Variants in MGMT observed in about 807,000 individuals in gnomAD.
The protein encoded by MGMT is O-6-methylguanine-DNA methyltransferase, also known as methylated-DNA--protein-cysteine methyltransferase.
MGMT carries 14 observed loss-of-function variants against 15.9 expected under a neutral mutation model. That is an observed-to-expected ratio of 0.88 (90% CI 0.58 to 1.37). The LOEUF is 1.37. Among genes scored for constraint, MGMT ranks in the 40% most tolerant of loss-of-function variants. The pLI is 0.00. For missense variants in MGMT, 282 were observed against 268.1 expected (o/e 1.05, Z -0.36); for synonymous variants, 130 against 118.2 (o/e 1.10, Z -0.65).
chr10:129,626,340 G>A (rs73388721), intron 2 of MGMT, among the ~76,000 whole-genome samples: 5,137 of 152,222 alleles, frequency 0.034, 228 homozygotes, highest in African/African-American at 0.098. Flanking sequence ...TTCGTGTCTC[G>A]TAAGCACTGG....
chr10:129,642,410 T>C (rs912985876), intron 2 of MGMT, among the ~76,000 whole-genome samples: 3 of 152,146 alleles, frequency 2.0e-5, no homozygotes, highest in African/African-American at 7.2e-5. Context: ...AGGAGAATCC[T>C]TACTGTAAAC....
At chr10:129,690,907 G>A (rs1273892104) in intron 2 of MGMT, among the ~76,000 whole-genome samples, 2 of 152,206 alleles carry the variant, frequency 1.3e-5, no homozygotes, top group Admixed American at 1.3e-4. Context: ...GGAGGCTTGT[G>A]AGCAGGATGG....
chr10:129,550,445 A>T (rs1490030142), intron 2 of MGMT, among the ~76,000 whole-genome samples: 2 of 77,768 alleles, frequency 2.6e-5, no homozygotes, highest in African/African-American at 9.8e-5. Flanking sequence ...CTGTGTTTTG[A>T]TTCTTTTTTT....
chr10:129,730,562 G>A (rs1158485558), intron 3 of MGMT, among the ~76,000 whole-genome samples: 1 of 152,166 alleles, frequency 6.6e-6, no homozygotes, highest in African/African-American at 2.4e-5. Flanking sequence ...GCAGACGCGA[G>A]GTTTGCAGGC....
intron 2 of MGMT, among the ~76,000 whole-genome samples, chr10:129,641,461 T>C (rs1847327217): frequency 6.6e-6 from 1 of 152,208 alleles, no homozygotes; most frequent in Non-Finnish European, 1.5e-5. Context: ...AAATTTACAG[T>C]TGTACAAGTT....
intron 3 of MGMT, among the ~76,000 whole-genome samples, chr10:129,716,667 G>A (rs562125269): frequency 1.1e-4 from 17 of 152,126 alleles, no homozygotes; most frequent in Non-Finnish European, 1.6e-4. Flanking sequence ...AACAGAAATG[G>A]CACATTCCCC....
chr10:129,750,743 A>G (rs1220821132), intron 3 of MGMT, among the ~76,000 whole-genome samples: 1 of 152,126 alleles, frequency 6.6e-6, no homozygotes, highest in African/African-American at 2.4e-5. Flanking sequence ...CCTGGAACCA[A>G]TACCCAATGG....
chr10:129,723,791 A>G (rs2183878), intron 3 of MGMT, among the ~76,000 whole-genome samples: 34,165 of 152,134 alleles, frequency 0.22, 4,608 homozygotes, highest in East Asian at 0.43. Context: ...AGTGCTCGGC[A>G]TCATCAGTCA....
chr10:129,622,733 T>C (rs986471532), intron 2 of MGMT, among the ~76,000 whole-genome samples: 10 of 152,198 alleles, frequency 6.6e-5, no homozygotes, highest in African/African-American at 2.4e-4. Context: ...TTTGATATGC[T>C]CTCATTAAGA....
At position 129,533,002 on chromosome 10, in the gene MGMT, G is replaced by A. The variant is rs1308563433; in HGVS notation, c.-12-3239G>A. On this transcript the variant is annotated intron_variant, in intron 1 of 4. Coordinates refer to ENST00000651593, the MANE Select transcript of MGMT (RefSeq NM_002412.5). The surrounding 1 kb of genome is among the most constrained non-coding windows in gnomAD (Gnocchi z 4.5). Reference sequence around the variant, plus strand: ...CATGTTGGCAGGCGTCAGCACCAGGGCTGGGCTCCTGCCTGGGACTCGAAT... The same window carrying A: ...CATGTTGGCAGGCGTCAGCACCAGGACTGGGCTCCTGCCTGGGACTCGAAT... Among the ~76,000 whole-genome samples the A allele has an allele frequency of 1.3e-5, 2 of 152,190 alleles. No individual in the cohort carries two copies. The highest frequency in any genetic ancestry group is 1.3e-4 in the Admixed American group (2 of 15,290).
intron 1 of MGMT, among the ~76,000 whole-genome samples, chr10:129,499,517 T>C (rs1845554726): frequency 6.6e-6 from 1 of 152,278 alleles, no homozygotes; most frequent in Non-Finnish European, 1.5e-5. Context: ...CATTTTCTGC[T>C]AATTTAGAGA....
intron 1 of MGMT, among the ~76,000 whole-genome samples, chr10:129,492,440 C>T (rs1406815375): frequency 2.0e-5 from 3 of 152,200 alleles, no homozygotes; most frequent in African/African-American, 7.2e-5. Context: ...ACCCCAGTCT[C>T]GTAAGTGCTA....
chr10:129,502,997 A>T (rs1845589682), intron 1 of MGMT, among the ~76,000 whole-genome samples: 1 of 152,134 alleles, frequency 6.6e-6, no homozygotes, highest in Non-Finnish European at 1.5e-5. Context: ...GAATACAGAT[A>T]TTTAGAGTTA....
intron 2 of MGMT, among the ~76,000 whole-genome samples, chr10:129,609,714 G>T (rs1846937161): frequency 6.6e-6 from 1 of 152,176 alleles, no homozygotes; most frequent in Non-Finnish European, 1.5e-5. Flanking sequence ...GCTCTCTGAG[G>T]TGGGAGGCTG....
At chr10:129,471,503 G>A (rs1048223326) in intron 1 of MGMT, among the ~76,000 whole-genome samples, 6 of 152,178 alleles carry the variant, frequency 3.9e-5, no homozygotes, top group African/African-American at 1.2e-4. Context: ...TCCTGCTTGT[G>A]TGGGGTAAGA....
intron 2 of MGMT, among the ~76,000 whole-genome samples, chr10:129,599,667 G>A (rs1846794882): frequency 6.6e-6 from 1 of 152,182 alleles, no homozygotes; most frequent in African/African-American, 2.4e-5. Flanking sequence ...ACATATGCTT[G>A]TACATGCTTT....
chr10:129,564,341 T>TCC (rs202187592), intron 2 of MGMT, among the ~76,000 whole-genome samples: 11 of 38,660 alleles, frequency 2.8e-4, no homozygotes, highest in Non-Finnish European at 5.0e-4. Flanking sequence ...CCTCCCCCTC[T>TCC]TTCCTCTTCT....
chr10:129,769,319 G>A lies in MGMT; in HGVS notation c.*2322G>A, dbSNP rs1848975234. On this transcript the variant is annotated 3_prime_UTR_variant, in exon 5 of 5. Transcript: ENST00000651593. ...GGCCGACATGAAAAGCCAGCACGCG[G>A]GTCGCCTAGAGCCGCTCTGCCTCCA... is the stretch of plus-strand genomic sequence containing the variant. The A allele has an allele frequency of 6.6e-6, 1 of 152,252 alleles. No homozygotes were observed. The highest frequency in any genetic ancestry group is 6.5e-5 in the Admixed American group (1 of 15,290). The allele number at this position is 152,252 out of a possible 1,614,324, so 9.4% of individuals were successfully genotyped here. A position where few individuals can be genotyped will look rare whatever the true frequency, so the allele number is the denominator to read the frequency against.
At chr10:129,502,368 A>G (rs1173140883) in intron 1 of MGMT, among the ~76,000 whole-genome samples, 1 of 152,174 alleles carries the variant, frequency 6.6e-6, no homozygotes, top group Non-Finnish European at 1.5e-5. Context: ...GCCCGGTGCC[A>G]GGCATATTTA....
Sources: gnomAD v4.1 joint callset for allele counts (sites outside exome capture counted in the v4.1 genomes callset) on GRCh38, gnomAD v4.1.1 for gene constraint, Gnocchi (gnomAD v3.1) non-coding constraint, MANE v1.5 for transcripts, NCBI Gene and HGNC (gene_info 2026-07-23, HGNC 2026-07-21) for gene names.